Variants in IL1RAPL1 observed in about 807,000 individuals in gnomAD.
The protein encoded by IL1RAPL1 is interleukin-1 receptor accessory protein-like 1.
In IL1RAPL1, 3 loss-of-function variants were observed where a neutral mutation model predicts 48.4. That is an observed-to-expected ratio of 0.06 (90% CI 0.03 to 0.16). The LOEUF is 0.16. Ranked by LOEUF, IL1RAPL1 falls within the 10% of genes least tolerant of loss-of-function variation. The pLI is 1.00. For synonymous variants in IL1RAPL1, 185 were observed against 187.7 expected (o/e 0.99, Z 0.12); for missense variants, 349 against 530.6 (o/e 0.66, Z 3.36).
chrX:28,949,782 G>A (rs1924403186), intron 2 of IL1RAPL1, among the ~76,000 whole-genome samples: 1 of 108,727 alleles, frequency 9.2e-6, no homozygotes, highest in Admixed American at 9.9e-5. Flanking sequence ...TTTTTGATGG[G>A]GTTGTTTGTT....
intron 5 of IL1RAPL1, among the ~76,000 whole-genome samples, chrX:29,612,413 T>TAA (rs371051149): frequency 2.9e-4 from 29 of 101,528 alleles, no homozygotes; most frequent in African/African-American, 7.5e-4. Context: ...CTCATTTTAT[T>TAA]AAAAAAAAAA....
intron 2 of IL1RAPL1, among the ~76,000 whole-genome samples, chrX:29,029,941 CTTT>C (rs768468902): frequency 4.5e-5 from 4 of 88,364 alleles, no homozygotes; most frequent in Non-Finnish European, 4.6e-5. Context: ...TATCGAGATT[CTTT>C]TTTTTTTTTT....
chrX:28,593,210 T>C (rs1158190681), intron 1 of IL1RAPL1, among the ~76,000 whole-genome samples: 1 of 111,434 alleles, frequency 9.0e-6, no homozygotes, highest in Non-Finnish European at 1.9e-5. Context: ...TATCCTTGTG[T>C]AGACACAATA....
intron 6 of IL1RAPL1, among the ~76,000 whole-genome samples, chrX:29,810,668 C>T (rs1930362460): frequency 9.0e-6 from 1 of 111,223 alleles, no homozygotes; most frequent in South Asian, 3.8e-4. Context: ...TTATTCTATC[C>T]TCCATATCTC....
intron 5 of IL1RAPL1, among the ~76,000 whole-genome samples, chrX:29,501,046 T>C (rs1283612974): frequency 2.7e-5 from 3 of 112,035 alleles, no homozygotes; most frequent in African/African-American, 9.7e-5. Flanking sequence ...ATTTGATGAA[T>C]AATGATATTG....
chrX:29,526,317 T>C (rs1306692267), intron 5 of IL1RAPL1, among the ~76,000 whole-genome samples: 1 of 111,522 alleles, frequency 9.0e-6, no homozygotes, highest in Non-Finnish European at 1.9e-5. Flanking sequence ...GGGTTTGATA[T>C]TGGAAAATCT....
chrX:29,802,813 G>A (rs768153906), intron 6 of IL1RAPL1, among the ~76,000 whole-genome samples: 35 of 57,931 alleles, frequency 6.0e-4, no homozygotes, highest in African/African-American at 2.3e-3. Flanking sequence ...ATATATATGT[G>A]TGTATATATA....
intron 1 of IL1RAPL1, among the ~76,000 whole-genome samples, chrX:28,613,155 T>G (rs776988283): frequency 8.9e-6 from 1 of 112,424 alleles, no homozygotes; most frequent in East Asian, 2.8e-4. Flanking sequence ...GAACCAGTGC[T>G]CAGCTGAGAT....
Position 29,917,381 on chromosome X carries a change from G to T in IL1RAPL1, c.779-83G>T. 9.3e-6 allele frequency: 8 copies of T among 857,690 alleles called. No homozygotes were observed. In the South Asian group the frequency reaches 1.6e-4, roughly 17 times the overall value. The allele number at this position is 857,690 out of a possible 1,213,427, so 70.7% of individuals were successfully genotyped here. The stretch of plus-strand genomic sequence containing the variant: ...ATATTTTATTAAATCAATGAAAAGT[G>T]ATCAAAATGTTACCTGTCAGTTTGC... On this transcript the variant is annotated intron_variant, in intron 6 of 10. Transcript: ENST00000378993.
Position 29,862,376 on chromosome X carries a change from G to C in IL1RAPL1, c.779-55088G>C, listed in dbSNP as rs148824318. On this transcript the variant is annotated intron_variant, in intron 6 of 10. Coordinates refer to ENST00000378993, the MANE Select transcript of IL1RAPL1 (RefSeq NM_014271.4). ...ATTCTGAAAGTCTTTCACTTCCTTGGTGGATGAAAAGGAAAGCTGCAGTTG... is the reference window on the plus strand; with the variant it reads ...ATTCTGAAAGTCTTTCACTTCCTTGCTGGATGAAAAGGAAAGCTGCAGTTG... Among the ~76,000 whole-genome samples, 198 of 111,433 alleles carry C rather than the reference G, an allele frequency of 1.8e-3. 1 individual carries two copies. The highest frequency in any genetic ancestry group is 6.2e-3 in the African/African-American group (190 of 30,668).
At chrX:29,807,785 A>G (rs143640512) in intron 6 of IL1RAPL1, among the ~76,000 whole-genome samples, 1,399 of 111,239 alleles carry the variant, frequency 0.013, 64 homozygotes, top group Admixed American at 0.12. Flanking sequence ...GTGTGATGCA[A>G]TTTGATTTCT....
intron 2 of IL1RAPL1, among the ~76,000 whole-genome samples, chrX:29,235,586 G>C (rs1365344287): frequency 1.8e-5 from 2 of 111,493 alleles, no homozygotes; most frequent in Non-Finnish European, 3.8e-5. Context: ...ATTTGTGTGA[G>C]GGTATGTGTG....
In IL1RAPL1 at chrX:28,611,753, G is replaced by A. The variant is rs377698793; in HGVS notation, c.-25+23706G>A. 5.3e-5 allele frequency among the ~76,000 whole-genome samples: 6 copies of A among 112,735 alleles called. No individual in the cohort carries two copies. In the East Asian group the frequency reaches 1.7e-3, roughly 31 times the overall value. ...CAGAGTTTTAATTTTGTTTCTTGGT[G>A]TAAATTTATATGTTCTTTGGATAAC... is the stretch of plus-strand genomic sequence containing the variant. On this transcript the variant is annotated intron_variant, in intron 1 of 10. Transcript: ENST00000378993.
At chrX:29,559,918 G>C (rs1042475649) in intron 5 of IL1RAPL1, among the ~76,000 whole-genome samples, 4 of 111,200 alleles carry the variant, frequency 3.6e-5, no homozygotes, top group Non-Finnish European at 7.6e-5. Flanking sequence ...TTATATTGGA[G>C]TTACAAGTGA....
intron 1 of IL1RAPL1, among the ~76,000 whole-genome samples, chrX:28,764,892 C>T (rs1034373181): frequency 1.2e-4 from 13 of 110,220 alleles, no homozygotes; most frequent in Admixed American, 2.9e-4. Context: ...AGCAAAGACT[C>T]GGAACCAACC....
chrX:29,766,344 T>A (rs1336136812), intron 6 of IL1RAPL1, among the ~76,000 whole-genome samples: 5,939 of 46,191 alleles, frequency 0.13, 556 homozygotes, highest in East Asian at 0.33. Flanking sequence ...AAAAAAAAAA[T>A]ATATATATAT....
At chrX:28,840,416 A>G (rs1353833613) in intron 2 of IL1RAPL1, among the ~76,000 whole-genome samples, 2 of 110,411 alleles carry the variant, frequency 1.8e-5, no homozygotes, top group African/African-American at 6.5e-5. Flanking sequence ...TTGTGAGTCC[A>G]TAGTAGGTGC....
intron 2 of IL1RAPL1, among the ~76,000 whole-genome samples, chrX:29,138,663 A>G (rs1162624595): frequency 2.8e-5 from 3 of 107,141 alleles, no homozygotes; most frequent in Non-Finnish European, 3.9e-5. Context: ...TGTAATCCCA[A>G]TTACTCGGGA....
At chrX:29,464,437 C>T (rs747719638) in intron 5 of IL1RAPL1, among the ~76,000 whole-genome samples, 1 of 111,867 alleles carries the variant, frequency 8.9e-6, no homozygotes, top group African/African-American at 3.2e-5. Flanking sequence ...TAGTAATAAC[C>T]ATTCTTATAC....
Sources: gnomAD v4.1 joint callset for allele counts (sites outside exome capture counted in the v4.1 genomes callset) on GRCh38, gnomAD v4.1.1 for gene constraint, MANE v1.5 for transcripts, NCBI Gene and HGNC (gene_info 2026-07-23, HGNC 2026-07-21) for gene names.